The following PARP4 variants were observed in gnomAD, a reference collection of about 807,000 sequenced individuals.
PARP4 encodes protein mono-ADP-ribosyltransferase PARP4.
PARP4 carries 120 observed loss-of-function variants against 187.7 expected under a neutral mutation model. The observed-to-expected ratio is 0.64, with a 90% confidence interval of 0.55 to 0.74. PARP4 has a LOEUF of 0.74. Ranked by LOEUF, PARP4 falls within the 30% of genes least tolerant of loss-of-function variation. The pLI, the probability that PARP4 is intolerant of heterozygous loss-of-function variation, is 0.00. For missense variants in PARP4, 1,836 were observed against 2,070.5 expected, an observed-to-expected ratio of 0.89 and a Z score of 2.20; for synonymous variants, 654 against 740.9, an observed-to-expected ratio of 0.88 and a Z score of 1.90.
At chr13:24,492,103 C>T (rs1050909135) in intron 9 of PARP4, among the ~76,000 whole-genome samples, 6 of 152,186 alleles carry the variant, frequency 3.9e-5, no homozygotes, top group South Asian at 2.1e-4. Flanking sequence ...ATGTCCTTAT[C>T]GTTTAAGTCA....
intron 17 of PARP4, among the ~76,000 whole-genome samples, chr13:24,468,400 CT>C (rs140804702): frequency 0.03 from 3,577 of 121,156 alleles, 32 homozygotes; most frequent in African/African-American, 0.059. Context: ...TATCACACTC[CT>C]TTTTTTTTTT....
At chr13:24,435,657 G>T (rs7998293) in intron 30 of PARP4, among the ~76,000 whole-genome samples, 183 bp from the exon 31 acceptor site, 1 of 152,136 alleles carries the variant, frequency 6.6e-6, no homozygotes, top group Non-Finnish European at 1.5e-5. Flanking sequence ...CAGCTCACGC[G>T]TGTCATCTCA....
intron 33 of PARP4, among the ~76,000 whole-genome samples, chr13:24,424,972 C>T (rs35924207): frequency 0.43 from 64,578 of 151,254 alleles, 14,496 homozygotes; most frequent in African/African-American, 0.57. Context: ...CGTGAGCCAC[C>T]GCGCCCGGCC....
At chr13:24,438,623 T>C (rs1870752138) in intron 30 of PARP4, among the ~76,000 whole-genome samples, 1 of 152,150 alleles carries the variant, frequency 6.6e-6, no homozygotes, top group African/African-American at 2.4e-5. Flanking sequence ...ACGAAGTGGA[T>C]TTGGGGTTGG....
At position 24,426,607 on chromosome 13, in the gene PARP4, A is replaced by T. The variant is rs186652264; in HGVS notation, c.4847-9T>A. The T allele has an allele frequency of 9.3e-5, 150 of 1,606,950 alleles. No homozygotes were observed. The African/African-American group carries it at 1.6e-3, about 18-fold the overall frequency. Reference sequence around the variant, plus strand: ...TTCTCTTCCTTTTACACCTAAAAGGAAAAAAACTCCGTTAAGTCTGTTGGA... The same window carrying T: ...TTCTCTTCCTTTTACACCTAAAAGGTAAAAAACTCCGTTAAGTCTGTTGGA... On this transcript the variant is annotated splice_polypyrimidine_tract_variant and intron_variant, in intron 32 of 33. Coordinates refer to ENST00000381989, the MANE Select transcript of PARP4 (RefSeq NM_006437.4).
chr13:24,443,706 C>T lies in PARP4; in HGVS notation c.3391G>A (p.Ala1131Thr). 1 of 1,613,718 alleles carries T rather than the reference C, an allele frequency of 6.2e-7. No homozygotes were observed. The highest frequency in any genetic ancestry group is 8.5e-7 in the Non-Finnish European group (1 of 1,179,642). ...GTMIHKLAAR[A>T]LIRDYEDGIL... ...CCATCTTCATAATCTCTGATTAGAG[C>T]TCGGGCTGCCAGCTTGTGGATCATC... Residue 1131 changes from alanine (A) to threonine (T), a missense_variant, in exon 28 of 34, where the codon GCT becomes ACT. By Grantham distance (58) the Ala-to-Thr change is moderately conservative (BLOSUM62 0). This residue lies in a region of PARP4 where 56 missense variants were observed against 56.6 expected (regional missense o/e 0.99). Coordinates refer to ENST00000381989, the MANE Select transcript of PARP4 (RefSeq NM_006437.4).
At chr13:24,478,399 A>G in intron 12 of PARP4, 123 bp from the exon 13 acceptor site, 1 of 545,190 alleles carries the variant, frequency 1.8e-6, no homozygotes, top group Non-Finnish European at 3.1e-6. Flanking sequence ...ATCTCCAAAG[A>G]CTCAATTTAG....
intron 12 of PARP4, 41 bp downstream of exon 12, chr13:24,484,612 A>C: frequency 7.7e-7 from 1 of 1,296,780 alleles, no homozygotes; most frequent in Non-Finnish European, 1.1e-6. Context: ...AATACACAGC[A>C]AGTATTCAGT....
intron 30 of PARP4, among the ~76,000 whole-genome samples, chr13:24,440,858 T>C (rs1237457892): frequency 6.6e-6 from 1 of 152,166 alleles, no homozygotes; most frequent in African/African-American, 2.4e-5. Flanking sequence ...AGAAACAAGG[T>C]TGCACATCTT....
chr13:24,502,748 G>A (rs1466345094), intron 2 of PARP4, among the ~76,000 whole-genome samples: 1 of 152,234 alleles, frequency 6.6e-6, no homozygotes, highest in Non-Finnish European at 1.5e-5. Context: ...GAGCAGGCAC[G>A]AATTACTCAT....
rs1871403033 is a variant in PARP4 at position 24,449,654 on chromosome 13, T to C, written c.3114+64A>G. The C allele has an allele frequency of 5.4e-6, 5 of 929,812 alleles. No individual in the cohort carries two copies. The Admixed American group carries it at 9.5e-5, about 18-fold the overall frequency. 57.6% of individuals were successfully genotyped at this position (929,812 alleles called of 1,614,324 possible). ...AAGGAAACACAGATATTCCTATTTC[T>C]TAGTCTCGGAAGAATAAGAGATTTC... is the stretch of plus-strand genomic sequence containing the variant. On this transcript the variant is annotated intron_variant, in intron 25 of 33. Transcript: ENST00000381989.
chr13:24,448,290 C>T (rs879752305), intron 25 of PARP4, among the ~76,000 whole-genome samples: 43 of 152,166 alleles, frequency 2.8e-4, no homozygotes, highest in Admixed American at 3.9e-4. Flanking sequence ...TGCCTGTAGT[C>T]CCAGCTACTC....
chr13:24,506,877 C>T lies in PARP4; in HGVS notation c.-1-3100G>A, dbSNP rs560486965. Among the ~76,000 whole-genome samples, 14 of 152,336 alleles carry T rather than the reference C, an allele frequency of 9.2e-5. No individual in the cohort carries two copies. The East Asian group carries it at 1.5e-3, about 17-fold the overall frequency. On this transcript the variant is annotated intron_variant, in intron 1 of 33. Coordinates refer to ENST00000381989, the MANE Select transcript of PARP4 (RefSeq NM_006437.4). ...GGGCGCCGGCCGCGCTCCTGCGGGA[C>T]GCTCGTGCTGCGCAGGAGCCAACTG...
intron 15 of PARP4, among the ~76,000 whole-genome samples, chr13:24,471,356 C>A (rs568723355): frequency 2.9e-3 from 443 of 152,310 alleles, no homozygotes; most frequent in Non-Finnish European, 5.3e-3. Flanking sequence ...AGACATCAGG[C>A]CTGTGGCAGC....
At chr13:24,459,333 G>C (rs376079397) in intron 18 of PARP4, 23 bp from the exon 19 acceptor site, 4 of 1,508,018 alleles carry the variant, frequency 2.7e-6, no homozygotes, top group East Asian at 4.5e-5. Context: ...AAATACATTT[G>C]TATAACTAAG....
chr13:24,443,498 C>T, intron 28 of PARP4, 152 bp downstream of exon 28: 1 of 641,556 alleles, frequency 1.6e-6, no homozygotes, highest in Non-Finnish European at 2.8e-6. Context: ...CACCCCACAT[C>T]CCAGGCACAG....
intron 6 of PARP4, among the ~76,000 whole-genome samples, chr13:24,495,027 A>C (rs532171482): frequency 6.6e-6 from 1 of 152,152 alleles, no homozygotes; most frequent in East Asian, 1.9e-4. Flanking sequence ...ATGTGCCACC[A>C]CACCTGGCTA....
At position 24,493,735 on chromosome 13, in the gene PARP4, T is replaced by A. The variant is rs764988408; in HGVS notation, c.742-2A>T. The A allele has an allele frequency of 6.2e-7, 1 of 1,612,998 alleles. No homozygotes were observed. Among genetic ancestry groups the A allele is most frequent in the East Asian group, 2.2e-5 (1 of 44,870 alleles). On this transcript the variant is annotated splice_acceptor_variant, in intron 7 of 33. Coordinates refer to ENST00000381989, the MANE Select transcript of PARP4 (RefSeq NM_006437.4). LOFTEE classifies it high-confidence loss of function. ...ATTCATGACTTCCTCCAAAAGCAAC[T>A]ACAATAATAAAATAGAAATGCCACC... is the stretch of plus-strand genomic sequence containing the variant.
chr13:24,435,149 G>A lies in PARP4; in HGVS notation c.3992C>T (p.Ala1331Val). The A allele has an allele frequency of 1.2e-6, 2 of 1,614,182 alleles. No homozygotes were observed. Among genetic ancestry groups the A allele is most frequent in the Non-Finnish European group, 1.7e-6 (2 of 1,180,010 alleles). The change falls in exon 31 of 34, where the codon GCC becomes GTC. Residue 1331 changes from alanine (A) to valine (V), a missense_variant. This residue lies in a region of PARP4 where 450 missense variants were observed against 439.2 expected (regional missense o/e 1.02). Coordinates refer to ENST00000381989, the MANE Select transcript of PARP4 (RefSeq NM_006437.4). ...CAAGGAAGCAGGACTGTGAGCGCGG[G>A]CAGTCGGGGGAAGATAGGAACCAAC... ...PAVGSYLPPT[A>V]RAHSPASLSF...
Sources: allele counts gnomAD v4.1 joint callset (sites outside exome capture counted in the v4.1 genomes callset), GRCh38; gene constraint gnomAD v4.1.1; regional missense constraint gnomAD v4.1.1; transcripts MANE v1.5; gene names NCBI Gene and HGNC (gene_info 2026-07-23, HGNC 2026-07-21).